Variants in ADAMTS13 observed in about 807,000 individuals in gnomAD.
The protein encoded by ADAMTS13 is ADAM metallopeptidase with thrombospondin type 1 motif 13.
Under a neutral mutation model 155.1 loss-of-function variants are expected in ADAMTS13, and 110 were observed. That is an observed-to-expected ratio of 0.71 (90% CI 0.61 to 0.83). The LOEUF is 0.83. Ranked by LOEUF, ADAMTS13 falls within the 40% of genes least tolerant of loss-of-function variation. The pLI is 0.00. For synonymous variants in ADAMTS13, 758 were observed against 756.4 expected, an observed-to-expected ratio of 1.00 and a Z score of -0.03; for missense variants, 1,707 against 1,891.7, an observed-to-expected ratio of 0.90 and a Z score of 1.81.
intron 11 of ADAMTS13, among the ~76,000 whole-genome samples, chr9:133,434,274 C>T (rs681092): frequency 0.099 from 15,032 of 152,072 alleles, 809 homozygotes; most frequent in African/African-American, 0.14. Flanking sequence ...GAATACAGTG[C>T]GCTGCTGCAT....
upstream of ADAMTS13, among the ~76,000 whole-genome samples, chr9:133,421,395 A>C (rs1554783076): frequency 6.6e-6 from 1 of 152,220 alleles, no homozygotes; most frequent in Non-Finnish European, 1.5e-5. Context: ...GCATGAAAGC[A>C]CACCCTTCCC....
intron 8 of ADAMTS13, among the ~76,000 whole-genome samples, chr9:133,432,337 GA>G (rs1192375649): frequency 1.3e-5 from 2 of 152,062 alleles, no homozygotes; most frequent in Non-Finnish European, 2.9e-5. Flanking sequence ...AGTTAAGAAG[GA>G]AAAAAAGAAA....
rs200125026 is a variant in ADAMTS13, at chr9:133,444,975, G to A, written c.2533G>A (p.Gly845Arg). Residue 845 changes from glycine to arginine, a missense_variant, in exon 20 of 29, where the codon GGG (glycine) becomes AGG (arginine). Transcript: ENST00000355699. The stretch of plus-strand genomic sequence containing the variant: ...TGGCCTGGAGGCTCCAGTGACTGAG[G>A]GGCCTGGCTCCGTAGATGAGAAGCT... The part of the protein sequence containing the change: ...ADGLEAPVTE[G>R]PGSVDEKLPA... 7.4e-6 allele frequency: 12 copies of A among 1,613,412 alleles called. No individual in the cohort carries two copies. In the Admixed American group the frequency reaches 1.7e-4, roughly 22 times the overall value.
At chr9:133,458,555 CAAAAAAAAAAA>C (rs10699153) in intron 28 of ADAMTS13, among the ~76,000 whole-genome samples, 1 of 56,228 alleles carries the variant, frequency 1.8e-5, no homozygotes, top group African/African-American at 7.4e-5. Flanking sequence ...GACTCTGTCT[CAAAAAAAAAAA>C]AAAAAAAAAA....
intron 2 of ADAMTS13, among the ~76,000 whole-genome samples, chr9:133,423,487 G>A (rs889204141): frequency 2.6e-5 from 4 of 152,188 alleles, no homozygotes; most frequent in Non-Finnish European, 5.9e-5. Context: ...GTTTCTGACC[G>A]TGGATGTAAA....
chr9:133,443,314 C>G, intron 18 of ADAMTS13, 62 bp from the exon 19 acceptor site: 2 of 1,543,178 alleles, frequency 1.3e-6, no homozygotes, highest in Admixed American at 1.9e-5. Flanking sequence ...CACCTGCCAC[C>G]CCATCACCCC....
upstream of ADAMTS13, among the ~76,000 whole-genome samples, chr9:133,420,893 A>G (rs140097548): frequency 3.3e-5 from 5 of 152,358 alleles, no homozygotes; most frequent in Admixed American, 2.0e-4. Flanking sequence ...AATGTTTCTA[A>G]GTTCTTAAAG....
chr9:133,417,958 A>G, upstream of ADAMTS13: 1 of 965,588 alleles, frequency 1.0e-6, no homozygotes, highest in Middle Eastern at 3.3e-4. Flanking sequence ...CACCCACCGC[A>G]GGGACCCCGT....
chr9:133,456,679 G>A lies in ADAMTS13; in HGVS notation c.3684G>A (p.Leu1228=). 1.3e-6 allele frequency: 2 copies of A among 1,590,260 alleles called. No individual in the cohort carries two copies. Among genetic ancestry groups the A allele is most frequent in the Non-Finnish European group, 1.7e-6 (2 of 1,167,996 alleles). ...RCGRPGGGVL[L]RYGSQLAPET... Reference sequence around the variant, plus strand: ...GGCGGCCAGGAGGTGGGGTGCTGCTGCGGTATGGGAGCCAGCTTGCTCCTG... The same window carrying A: ...GGCGGCCAGGAGGTGGGGTGCTGCTACGGTATGGGAGCCAGCTTGCTCCTG... Residue 1228 remains leucine (L), a synonymous_variant, in exon 27 of 29, where the codon CTG becomes CTA. Transcript: ENST00000355699. The surrounding 1 kb of genome is among the most constrained non-coding windows in gnomAD (Gnocchi z 4.4).
chr9:133,437,314 G>T (rs3780808), intron 12 of ADAMTS13, among the ~76,000 whole-genome samples: 48,108 of 152,064 alleles, frequency 0.32, 9,565 homozygotes, highest in Non-Finnish European at 0.43. Context: ...TGGAGTGCAG[G>T]GGCGTAATCT....
At chr9:133,414,417 T>C (rs938944331) in exon 1 of ADAMTS13, 1 of 681,240 alleles carries the variant, frequency 1.5e-6, no homozygotes, top group Non-Finnish European at 2.7e-6. Flanking sequence ...CAGCACGCTT[T>C]CCTTCCACAC....
At chr9:133,453,937 G>T (rs1842592714) in intron 23 of ADAMTS13, among the ~76,000 whole-genome samples, 1 of 152,088 alleles carries the variant, frequency 6.6e-6, no homozygotes, top group South Asian at 2.1e-4. Flanking sequence ...CTTGCAGGCT[G>T]CCTGGGTTTG....
In ADAMTS13 at chr9:133,454,528, C is replaced by G. The variant is rs373530345; in HGVS notation, c.3158C>G (p.Ala1053Gly). The G allele has an allele frequency of 6.2e-7, 1 of 1,610,290 alleles. No homozygotes were observed. The highest frequency in any genetic ancestry group is 8.5e-7 in the Non-Finnish European group (1 of 1,179,958). Residue 1053 changes from alanine (A) to glycine (G), a missense_variant, in exon 24 of 29, where the codon GCG becomes GGG. Physicochemically the swap from Ala to Gly is moderately conservative, Grantham distance 60 (BLOSUM62 0). This residue lies in a region of ADAMTS13 where 961 missense variants were observed against 1,107.9 expected (regional missense o/e 0.87). Coordinates refer to ENST00000355699, the MANE Select transcript of ADAMTS13 (RefSeq NM_139027.6). ...GGCCAGGACGTGGAGGTGGACGAGG[C>G]GGCCTGTGCGGCGCTGGTGCGGCCC... ...DQGQDVEVDE[A>G]ACAALVRPEA...
rs1554785056 is a variant in ADAMTS13, at chr9:133,425,756, C to T, written c.414+144C>T. ...TTCAGCCAGACAGACCAGCTGCCCTCCCAGCTCTACCCAGCACTCAGCACA... is the reference window on the plus strand; with the variant it reads ...TTCAGCCAGACAGACCAGCTGCCCTTCCAGCTCTACCCAGCACTCAGCACA... On this transcript the variant is annotated intron_variant, in intron 4 of 28. Coordinates refer to ENST00000355699, the MANE Select transcript of ADAMTS13 (RefSeq NM_139027.6). This position sits in a 1 kb window ranked among gnomAD's most constrained non-coding sequence, Gnocchi z 4.6. 9.4e-6 allele frequency: 13 copies of T among 1,381,244 alleles called. No homozygotes were observed. Among genetic ancestry groups the T allele is most frequent in the Non-Finnish European group, 1.3e-5 (13 of 1,000,910 alleles). 85.6% of individuals were successfully genotyped at this position (1,381,244 alleles called of 1,614,324 possible). A position where few individuals can be genotyped will look rare whatever the true frequency, so the allele number is the denominator to read the frequency against.
intron 23 of ADAMTS13, among the ~76,000 whole-genome samples, chr9:133,452,197 C>T (rs587726126): frequency 2.7e-4 from 41 of 151,782 alleles, no homozygotes; most frequent in African/African-American, 9.9e-4. Context: ...ACTGCAACCT[C>T]CGCCTCCTGG....
chr9:133,417,873 G>A (rs1554782083), upstream of ADAMTS13: 4 of 1,590,552 alleles, frequency 2.5e-6, no homozygotes, highest in South Asian at 4.4e-5. Flanking sequence ...CTGGGCCGGC[G>A]GCCACCCGAG....
chr9:133,428,633 G>A lies in ADAMTS13; in HGVS notation c.687-1G>A. 1 of 1,166,644 alleles carries A rather than the reference G, an allele frequency of 8.6e-7. No homozygotes were observed. Among genetic ancestry groups the A allele is most frequent in the Non-Finnish European group, 1.1e-6 (1 of 938,992 alleles). The allele number at this position is 1,166,644 out of a possible 1,614,324, so 72.3% of individuals were successfully genotyped here. The stretch of plus-strand genomic sequence containing the variant: ...AGCGCAACTCCCCGCCCCCCGACCA[G>A]CTTCGGCCTGGAGCACGACGGCGCG... On this transcript the variant is annotated splice_acceptor_variant, in intron 6 of 28. Transcript: ENST00000355699. LOFTEE classifies it high-confidence loss of function.
At chr9:133,454,732 A>G (rs1842639939) in intron 24 of ADAMTS13, 113 bp downstream of exon 24, 1 of 1,338,730 alleles carries the variant, frequency 7.5e-7, no homozygotes, top group African/African-American at 1.4e-5. Flanking sequence ...CCTGAAAGGA[A>G]GGAGAGAGCT....
In ADAMTS13 at chr9:133,456,731, C is replaced by G. The variant is rs781891230; in HGVS notation, c.3724+12C>G. On this transcript the variant is annotated intron_variant, in intron 27 of 28. Transcript: ENST00000355699. The surrounding 1 kb of genome is among the most constrained non-coding windows in gnomAD (Gnocchi z 4.4). ...AACCTTCTACAGAGGTATGGCCAGG[C>G]CTTCTCCACCTCCCTTGGGTGCTCC... 19 of 1,553,640 alleles carry G rather than the reference C, an allele frequency of 1.2e-5. No individual in the cohort carries two copies. The highest frequency in any genetic ancestry group is 1.7e-5 in the Non-Finnish European group (19 of 1,148,080).
Sources: gnomAD v4.1 joint callset for allele counts (sites outside exome capture counted in the v4.1 genomes callset) on GRCh38, gnomAD v4.1.1 for gene constraint, gnomAD v4.1.1 regional missense constraint, Gnocchi (gnomAD v3.1) non-coding constraint, MANE v1.5 for transcripts, NCBI Gene and HGNC (gene_info 2026-07-23, HGNC 2026-07-21) for gene names.